STAMBP: variants seen among roughly 807,000 people sequenced by gnomAD.
STAMBP encodes STAM-binding protein.
STAMBP carries 31 observed loss-of-function variants against 50.7 expected under a neutral mutation model. The ratio of observed to expected loss-of-function variants is 0.61; its 90% CI spans 0.46 to 0.83. The LOEUF (loss-of-function observed/expected upper bound fraction) is 0.83, where lower values mean the gene tolerates loss of function less well. STAMBP is among the 40% of genes least tolerant of loss of function. The pLI is 0.00. For missense variants in STAMBP, 472 were observed against 518.9 expected (o/e 0.91, Z 0.88); for synonymous variants, 211 against 192.4 (o/e 1.10, Z -0.80).
chr2:73,850,644 C>A lies in STAMBP; in HGVS notation c.1005+131C>A. 1 of 982,310 alleles carries A rather than the reference C, an allele frequency of 1.0e-6. No individual in the cohort carries two copies. Among genetic ancestry groups the A allele is most frequent in the Non-Finnish European group, 1.4e-6 (1 of 711,088 alleles). The allele number at this position is 982,310 out of a possible 1,614,324, so 60.8% of individuals were successfully genotyped here. ...TGTTTTTCTCTCTTTTGGATGCAGT[C>A]CTTAGCATACTTGACTATTGCACTT... On this transcript the variant is annotated intron_variant, in intron 7 of 9. Transcript: ENST00000394070. The surrounding 1 kb of genome is among the most constrained non-coding windows in gnomAD (Gnocchi z 4.3).
At chr2:73,852,412 G>A (rs1676944921) in intron 7 of STAMBP, among the ~76,000 whole-genome samples, 1 of 152,164 alleles carries the variant, frequency 6.6e-6, no homozygotes, top group Non-Finnish European at 1.5e-5. Context: ...ATCACTGGAG[G>A]TAGTTATCAG....
rs1268002006 is a variant in STAMBP, at chr2:73,850,732, A to G, written c.1005+219A>G. On this transcript the variant is annotated intron_variant, in intron 7 of 9. Transcript: ENST00000394070. This position sits in a 1 kb window ranked among gnomAD's most constrained non-coding sequence, Gnocchi z 4.3. ...TTTTTTAACTTTTTATTTATTTTTTAGTAAAAATAAACTGTTTTCCCTAAA... is the reference window on the plus strand; with the variant it reads ...TTTTTTAACTTTTTATTTATTTTTTGGTAAAAATAAACTGTTTTCCCTAAA... Among the ~76,000 whole-genome samples, 9 of 152,062 alleles carry G rather than the reference A, an allele frequency of 5.9e-5. No individual in the cohort carries two copies. The highest frequency in any genetic ancestry group is 1.3e-4 in the Admixed American group (2 of 15,274).
At chr2:73,868,166 G>A (rs1679040720), downstream of STAMBP, among the ~76,000 whole-genome samples, 1 of 147,792 alleles carries the variant, frequency 6.8e-6, no homozygotes, top group Admixed American at 6.8e-5. Flanking sequence ...AATGACATAA[G>A]TCATTTTTAT....
chr2:73,868,124 C>CAAAAAAAAAAAAAAAAACAAAAAAAAA (rs11383453), downstream of STAMBP, among the ~76,000 whole-genome samples: 1 of 110,270 alleles, frequency 9.1e-6, no homozygotes, highest in Non-Finnish European at 1.9e-5. Flanking sequence ...AACTCTGTCT[C>CAAAAAAAAAAAAAAAAACAAAAAAAAA]AAAAAAAAAA....
At chr2:73,842,030 A>T (rs1205345278) in intron 2 of STAMBP, among the ~76,000 whole-genome samples, 1 of 152,208 alleles carries the variant, frequency 6.6e-6, no homozygotes, top group Non-Finnish European at 1.5e-5. Flanking sequence ...TCAAAGTAAT[A>T]TAAAGAGGTA....
Position 73,834,283 on chromosome 2 carries a change from ATAT to A in STAMBP, c.203+3225_203+3227del, listed in dbSNP as rs1558558453. Among the ~76,000 whole-genome samples the A allele has an allele frequency of 1.5e-3, 134 of 90,320 alleles. 5 individuals are homozygous for A. Among genetic ancestry groups the A allele is most frequent in the African/African-American group, 3.4e-3 (77 of 22,740 alleles). 59.3% of individuals were successfully genotyped at this position (90,320 alleles called of 152,430 possible). A position where few individuals can be genotyped will look rare whatever the true frequency, so the allele number is the denominator to read the frequency against. ...TATATATATATATATATATATATAT[ATAT>A]AAAGTTTTTGACTCCCCAGAAACTT... On this transcript the variant is annotated intron_variant, in intron 2 of 9. Transcript: ENST00000394070.
At chr2:73,846,499 A>G (rs957042590) in intron 4 of STAMBP, among the ~76,000 whole-genome samples, 2 of 151,626 alleles carry the variant, frequency 1.3e-5, no homozygotes, top group Admixed American at 6.6e-5. Flanking sequence ...GGTGGCACGC[A>G]CCTCTGGTTT....
chr2:73,836,047 C>T (rs939994516), intron 2 of STAMBP, among the ~76,000 whole-genome samples: 4 of 151,806 alleles, frequency 2.6e-5, no homozygotes, highest in Non-Finnish European at 5.9e-5. Flanking sequence ...TCAAAAGAAG[C>T]AGTGGTGCGC....
chr2:73,846,949 G>T (rs899833614), intron 4 of STAMBP, among the ~76,000 whole-genome samples: 1 of 152,016 alleles, frequency 6.6e-6, no homozygotes, highest in Admixed American at 6.5e-5. Flanking sequence ...AGGTGTGGTG[G>T]TGCACACCTG....
chr2:73,859,220 G>T (rs145666775), intron 7 of STAMBP, 34 bp from the exon 8 acceptor site: 1 of 1,552,342 alleles, frequency 6.4e-7, no homozygotes, highest in East Asian at 2.2e-5. Flanking sequence ...ATATATCCTC[G>T]CTAAGAGTCC....
At position 73,841,951 on chromosome 2, in the gene STAMBP, GT is replaced by G. The variant is rs915841535; in HGVS notation, c.204-2854del. On this transcript the variant is annotated intron_variant, in intron 2 of 9. Transcript: ENST00000394070. ...AGCTATTCATGTACAGGTCTGGGAG[GT>G]TTTTTTTGTTTGTTTTTTGTTTTTG... 1.8e-3 allele frequency among the ~76,000 whole-genome samples: 279 copies of G among 151,978 alleles called. 2 individuals are homozygous for G. The highest frequency in any genetic ancestry group is 6.6e-3 in the African/African-American group (275 of 41,468).
intron 2 of STAMBP, among the ~76,000 whole-genome samples, chr2:73,836,619 G>T (rs746418538): frequency 3.3e-5 from 5 of 152,346 alleles, no homozygotes; most frequent in African/African-American, 1.2e-4. Flanking sequence ...AGAACACTCC[G>T]CTTGGCCCGG....
downstream of STAMBP, among the ~76,000 whole-genome samples, chr2:73,869,983 G>C (rs1289676486): frequency 6.6e-6 from 1 of 152,052 alleles, no homozygotes; most frequent in African/African-American, 2.4e-5. Flanking sequence ...TGAATAAGAA[G>C]TACCTAAAAA....
chr2:73,841,692 A>G (rs1057224700), intron 2 of STAMBP, among the ~76,000 whole-genome samples: 2 of 152,212 alleles, frequency 1.3e-5, no homozygotes, highest in African/African-American at 2.4e-5. Flanking sequence ...CACCCCTGCA[A>G]AAAACTGAGG....
rs559348692 is a variant in STAMBP, at chr2:73,845,396, C to G, written c.375+134C>G. ...CTTTTTTGGGCAAAGACCAGAAACT[C>G]AAAAAAGTAGAACACCAGTGGTTAG... On this transcript the variant is annotated intron_variant, in intron 4 of 9. Transcript: ENST00000394070. 6.2e-6 allele frequency: 4 copies of G among 644,016 alleles called. No individual in the cohort carries two copies. The South Asian group carries it at 8.3e-5, about 13-fold the overall frequency. 39.9% of individuals were successfully genotyped at this position (644,016 alleles called of 1,614,324 possible).
chr2:73,860,198 G>A (rs778854328), intron 9 of STAMBP, 47 bp downstream of exon 9: 2 of 1,510,186 alleles, frequency 1.3e-6, no homozygotes, highest in East Asian at 4.5e-5. Flanking sequence ...CAAGCAGGGA[G>A]GACAGTCAGA....
At position 73,862,248 on chromosome 2, in the gene STAMBP, G is replaced by A. The variant is rs763938839; in HGVS notation, c.1264G>A (p.Asp422Asn). 4 of 1,611,906 alleles carry A rather than the reference G, an allele frequency of 2.5e-6. No individual in the cohort carries two copies. The South Asian group carries it at 4.4e-5, about 18-fold the overall frequency. ...TVVDRAVTIT[D>N]LR ...TGTGGACAGAGCAGTGACCATCACAGACCTTCGATGAGCGTTTGAGTCCAA... is the reference window on the plus strand; with the variant it reads ...TGTGGACAGAGCAGTGACCATCACAAACCTTCGATGAGCGTTTGAGTCCAA... The change falls in exon 10 of 10, where the codon GAC (aspartate) becomes AAC (asparagine). Residue 422 changes from aspartate to asparagine, a missense_variant. Transcript: ENST00000394070.
chr2:73,861,678 C>T (rs895504085), intron 9 of STAMBP, among the ~76,000 whole-genome samples: 11 of 148,904 alleles, frequency 7.4e-5, no homozygotes, highest in Admixed American at 7.3e-4. Context: ...GCCGCCACAC[C>T]GGGTTAAATT....
Position 73,829,403 on chromosome 2 carries a change from A to G in STAMBP, c.-120A>G. The G allele has an allele frequency of 6.6e-6, 1 of 152,244 alleles. No individual in the cohort carries two copies. The highest frequency in any genetic ancestry group is 1.5e-5 in the Non-Finnish European group (1 of 68,178). The allele number at this position is 152,244 out of a possible 1,614,324, so 9.4% of individuals were successfully genotyped here. A position where few individuals can be genotyped will look rare whatever the true frequency, so the allele number is the denominator to read the frequency against. On this transcript the variant is annotated 5_prime_UTR_variant, in exon 1 of 10. Coordinates refer to ENST00000394070, the MANE Select transcript of STAMBP (RefSeq NM_213622.4). ...TACGCCGCCTTTCCCCCTCATTTGCAGATGCTGCATCCCCTTTTTGGAATT... is the reference window on the plus strand; with the variant it reads ...TACGCCGCCTTTCCCCCTCATTTGCGGATGCTGCATCCCCTTTTTGGAATT...
Sources: allele counts gnomAD v4.1 joint callset (sites outside exome capture counted in the v4.1 genomes callset), GRCh38; gene constraint gnomAD v4.1.1; non-coding constraint Gnocchi (gnomAD v3.1); transcripts MANE v1.5; gene names NCBI Gene and HGNC (gene_info 2026-07-23, HGNC 2026-07-21).